Variants in USP8 observed in about 807,000 individuals in gnomAD.
USP8 encodes the protein ubiquitin carboxyl-terminal hydrolase 8.
Under a neutral mutation model 130.0 loss-of-function variants are expected in USP8, and 27 were observed. That is an observed-to-expected ratio of 0.21 (90% CI 0.15 to 0.29). The LOEUF is 0.29. Among genes scored for constraint, USP8 ranks in the 10% least tolerant of loss-of-function variants. The pLI is 1.00. For missense variants in USP8, 1,029 were observed against 1,312.2 expected, an observed-to-expected ratio of 0.78 and a Z score of 3.33; for synonymous variants, 392 against 444.1, an observed-to-expected ratio of 0.88 and a Z score of 1.48.
At chr15:50,494,396 A>C in intron 16 of USP8, 116 bp downstream of exon 16, 1 of 813,560 alleles carries the variant, frequency 1.2e-6, no homozygotes, top group Non-Finnish European at 1.9e-6. Flanking sequence ...GTTTATTCAA[A>C]TAGTGACTGT....
chr15:50,495,482 T>TG (rs1555392675), intron 16 of USP8, among the ~76,000 whole-genome samples: 3,643 of 104,314 alleles, frequency 0.035, 69 homozygotes, highest in Middle Eastern at 0.075. Flanking sequence ...TTAGTAGAGA[T>TG]TGGAGGGGGG....
In USP8 at chr15:50,504,061, A is replaced by G. The variant is rs1335510566; in HGVS notation, c.*4973A>G. 2.0e-5 allele frequency: 3 copies of G among 152,342 alleles called. No homozygotes were observed. Among genetic ancestry groups the G allele is most frequent in the Non-Finnish European group, 4.4e-5 (3 of 68,032 alleles). 9.4% of individuals were successfully genotyped at this position (152,342 alleles called of 1,614,324 possible). ...TATTTACGGGCTCTGCATCTTCAGAATCAACTAATGTGATGGGAAAGATTT... is the reference window on the plus strand; with the variant it reads ...TATTTACGGGCTCTGCATCTTCAGAGTCAACTAATGTGATGGGAAAGATTT... On this transcript the variant is annotated 3_prime_UTR_variant, in exon 20 of 20. Coordinates refer to ENST00000307179, the MANE Select transcript of USP8 (RefSeq NM_005154.5).
In USP8 at chr15:50,512,733, A is replaced by G. The variant is rs1471908568; in HGVS notation, c.*13645A>G. The G allele has an allele frequency of 1.3e-5, 2 of 151,972 alleles. No homozygotes were observed. Among genetic ancestry groups the G allele is most frequent in the East Asian group, 1.9e-4 (1 of 5,178 alleles). 9.4% of individuals were successfully genotyped at this position (151,972 alleles called of 1,614,324 possible). A position where few individuals can be genotyped will look rare whatever the true frequency, so the allele number is the denominator to read the frequency against. ...TTTGAAACCAGGGGGTGGAGGTTGC[A>G]GTGAGCCGAGATCACACCACCGCAC... On this transcript the variant is annotated 3_prime_UTR_variant, in exon 20 of 20. Coordinates refer to ENST00000307179, the MANE Select transcript of USP8 (RefSeq NM_005154.5).
chr15:50,497,609 G>A (rs2052467812), intron 18 of USP8: 2 of 153,698 alleles, frequency 1.3e-5, no homozygotes, highest in Non-Finnish European at 2.9e-5. Context: ...AATTTTTAAA[G>A]TATTTTAATG....
Position 50,502,340 on chromosome 15 carries a change from C to G in USP8, c.*3252C>G, listed in dbSNP as rs1222170180. On this transcript the variant is annotated 3_prime_UTR_variant, in exon 20 of 20. Coordinates refer to ENST00000307179, the MANE Select transcript of USP8 (RefSeq NM_005154.5). The stretch of plus-strand genomic sequence containing the variant: ...TAGCCAGGATGGTCTCGATCTCGAC[C>G]TCGGGATCCTCCCACTTCGGCCTCC... 1 of 150,338 alleles carries G rather than the reference C, an allele frequency of 6.7e-6. No individual in the cohort carries two copies. Among genetic ancestry groups the G allele is most frequent in the African/African-American group, 2.5e-5 (1 of 40,686 alleles). The allele number at this position is 150,338 out of a possible 1,614,324, so 9.3% of individuals were successfully genotyped here.
chr15:50,489,467 TA>T (rs796405097), intron 12 of USP8: 203 of 151,080 alleles, frequency 1.3e-3, no homozygotes, highest in South Asian at 3.4e-3. Context: ...GATGCAAAAT[TA>T]AAAAAAAAAA....
rs11857513 is a variant in USP8 at position 50,497,226 on chromosome 15, G to A, written c.3033G>A (p.Leu1011=). The change falls in exon 18 of 20, where the codon CTG becomes CTA. Residue 1011 remains leucine (L), a synonymous_variant. Coordinates refer to ENST00000307179, the MANE Select transcript of USP8 (RefSeq NM_005154.5). ...WKLPPVLLVH[L]KRFSYDGRWK... is the part of the protein sequence containing the mutation. Reference sequence around the variant, plus strand: ...TACCACCTGTGCTTTTAGTGCATCTGAAACGGTAAAGGGGAAAGTTTGTCC... The same window carrying A: ...TACCACCTGTGCTTTTAGTGCATCTAAAACGGTAAAGGGGAAAGTTTGTCC... The A allele has an allele frequency of 0.03, 48,452 of 1,602,510 alleles. 1,080 individuals are homozygous for A. The highest frequency in any genetic ancestry group is 0.12 in the East Asian group (5,263 of 44,540).
At chr15:50,487,126 GA>G (rs1414694948) in intron 12 of USP8, among the ~76,000 whole-genome samples, 176 of 130,570 alleles carry the variant, frequency 1.3e-3, no homozygotes, top group African/African-American at 2.7e-3. Flanking sequence ...TCCATCTGGG[GA>G]AAAAAAAAAA....
At chr15:50,459,643 C>T (rs1168245555) in intron 5 of USP8, among the ~76,000 whole-genome samples, 1 of 152,090 alleles carries the variant, frequency 6.6e-6, no homozygotes, top group African/African-American at 2.4e-5. Context: ...TCAGATTTTT[C>T]TGTGAATTTC....
intron 6 of USP8, among the ~76,000 whole-genome samples, chr15:50,464,153 T>TG (rs1470822975): frequency 6.6e-6 from 1 of 152,164 alleles, no homozygotes; most frequent in Non-Finnish European, 1.5e-5. Context: ...TCTCTGCTGT[T>TG]GCAGTATGAA....
intron 1 of USP8, among the ~76,000 whole-genome samples, chr15:50,427,947 T>G (rs1465911650): frequency 6.6e-6 from 1 of 151,722 alleles, no homozygotes; most frequent in Non-Finnish European, 1.5e-5. Context: ...AACCTCTGCT[T>G]CCTGGGCTCA....
chr15:50,498,571 G>A (rs375527268), intron 18 of USP8, 25 bp from the exon 19 acceptor site: 5 of 1,588,188 alleles, frequency 3.1e-6, no homozygotes, highest in Non-Finnish European at 4.3e-6. Context: ...CTCTGTCAGT[G>A]TAATTGTAAT....
rs770207958 is a variant in USP8, at chr15:50,481,523, C to T, written c.1261C>T (p.His421Tyr). 10 of 1,607,588 alleles carry T rather than the reference C, an allele frequency of 6.2e-6. No homozygotes were observed. The highest frequency in any genetic ancestry group is 7.6e-6 in the Non-Finnish European group (9 of 1,178,318). Residue 421 changes from histidine (H) to tyrosine (Y), a missense_variant, in exon 11 of 20, where the codon CAT becomes TAT. Physicochemically the swap from His to Tyr is moderately conservative, Grantham distance 83 (BLOSUM62 2). Around this residue, in one of 4 missense-constraint regions of USP8, gnomAD observed 486 missense variants for 522.0 expected, o/e 0.93. Transcript: ENST00000307179. ...KKPAVKLPEE[H>Y]RIKSESTNHE... ...ACCAGCAGTCAAATTGCCTGAAGAG[C>T]ATAGAATAAAATCTGAAAGTACAAA...
At chr15:50,464,636 C>A (rs931709038) in intron 6 of USP8, among the ~76,000 whole-genome samples, 1 of 152,158 alleles carries the variant, frequency 6.6e-6, no homozygotes, top group Non-Finnish European at 1.5e-5. Flanking sequence ...GTGGGCAGAT[C>A]GCTTGAGGTC....
chr15:50,490,559 T>A (rs1207194943), intron 14 of USP8, 34 bp downstream of exon 14: 1 of 1,597,516 alleles, frequency 6.3e-7, no homozygotes, highest in Non-Finnish European at 8.5e-7. Flanking sequence ...ACTAAAATAA[T>A]GTGCTGTATT....
intron 10 of USP8, among the ~76,000 whole-genome samples, chr15:50,480,817 T>TG (rs1249535805): frequency 1.3e-5 from 2 of 149,312 alleles, no homozygotes; most frequent in African/African-American, 2.5e-5. Context: ...AGAAACAGAT[T>TG]GGGGGGCGGG....
intron 14 of USP8, among the ~76,000 whole-genome samples, chr15:50,492,196 G>A (rs1465130711): frequency 1.3e-5 from 2 of 152,064 alleles, no homozygotes; most frequent in African/African-American, 2.4e-5. Flanking sequence ...GTATCCATCC[G>A]TGAATAGTCA....
intron 1 of USP8, among the ~76,000 whole-genome samples, chr15:50,433,265 T>C (rs868435380): frequency 6.6e-6 from 1 of 152,262 alleles, no homozygotes; most frequent in South Asian, 2.1e-4. Context: ...AATCAATACT[T>C]AGTTGTTTGT....
In USP8 at chr15:50,477,392, A is replaced by G; in HGVS notation, c.1111A>G (p.Arg371Gly). The G allele has an allele frequency of 6.2e-7, 1 of 1,614,152 alleles. No homozygotes were observed. Among genetic ancestry groups the G allele is most frequent in the Non-Finnish European group, 8.5e-7 (1 of 1,180,032 alleles). The stretch of plus-strand genomic sequence containing the variant: ...AGAATTGATAAGTGGTCAAAATGAG[A>G]GAATGGGACCACTGAATATATCAAC... ...NIELISGQNERMGPLNISTPV... is the reference protein window; with the variant it reads ...NIELISGQNEGMGPLNISTPV... The change falls in exon 10 of 20, where the codon AGA becomes GGA. Residue 371 changes from arginine (R) to glycine (G), a missense_variant. Transcript: ENST00000307179.
Sources: gnomAD v4.1 joint callset for allele counts (sites outside exome capture counted in the v4.1 genomes callset) on GRCh38, gnomAD v4.1.1 for gene constraint, gnomAD v4.1.1 regional missense constraint, MANE v1.5 for transcripts, NCBI Gene and HGNC (gene_info 2026-07-23, HGNC 2026-07-21) for gene names.